The following ARHGAP39 variants were observed in gnomAD, a reference collection of about 807,000 sequenced individuals.
ARHGAP39 encodes the protein Rho GTPase activating protein 39.
A neutral mutation model predicts 106.9 loss-of-function variants in ARHGAP39; 44 were observed. The observed-to-expected ratio is 0.41, with a 90% confidence interval of 0.32 to 0.53. The LOEUF is 0.53. Ranked by LOEUF, ARHGAP39 falls within the 20% of genes least tolerant of loss-of-function variation. ARHGAP39 has a pLI of 0.21. For synonymous variants in ARHGAP39, 768 were observed against 693.2 expected (o/e 1.11, Z -1.69); for missense variants, 1,496 against 1,577.3 (o/e 0.95, Z 0.87).
intron 3 of ARHGAP39, among the ~76,000 whole-genome samples, chr8:144,572,609 A>C (rs1308961218): frequency 2.0e-5 from 3 of 152,336 alleles, no homozygotes; most frequent in South Asian, 4.1e-4. Flanking sequence ...ATGGCAACAA[A>C]AGCCAAAATA....
At chr8:144,593,716 GC>G (rs1304461659) in intron 2 of ARHGAP39, among the ~76,000 whole-genome samples, 1 of 152,126 alleles carries the variant, frequency 6.6e-6, no homozygotes, top group Non-Finnish European at 1.5e-5. Flanking sequence ...AGGGTAGGAG[GC>G]TGGGAGGTGG....
At chr8:144,656,565 G>A (rs1425615107) in intron 1 of ARHGAP39, among the ~76,000 whole-genome samples, 1 of 152,104 alleles carries the variant, frequency 6.6e-6, no homozygotes, top group Non-Finnish European at 1.5e-5. Flanking sequence ...CACTCTGGGA[G>A]GCTGTGGTGG....
intron 3 of ARHGAP39, among the ~76,000 whole-genome samples, chr8:144,561,854 T>A (rs559851971): frequency 3.4e-5 from 5 of 147,228 alleles, no homozygotes; most frequent in African/African-American, 5.1e-5. Context: ...GTGGTTTCCA[T>A]TGGACTCACC....
chr8:144,626,546 C>T (rs1283689411), intron 1 of ARHGAP39, among the ~76,000 whole-genome samples: 1 of 129,096 alleles, frequency 7.7e-6, no homozygotes, highest in African/African-American at 3.1e-5. Context: ...GCCCCTGTCC[C>T]GGCGGCCCCG....
chr8:144,570,082 G>T (rs562639066), intron 3 of ARHGAP39, among the ~76,000 whole-genome samples: 45 of 152,170 alleles, frequency 3.0e-4, no homozygotes, highest in African/African-American at 1.0e-3. Context: ...TTAACCAGGC[G>T]TGGTGGCTCA....
chr8:144,673,603 G>C (rs1296948245), intron 1 of ARHGAP39, among the ~76,000 whole-genome samples: 3 of 152,086 alleles, frequency 2.0e-5, no homozygotes, highest in Non-Finnish European at 2.9e-5. Flanking sequence ...ACTTCTTCTG[G>C]ACACTTCACA....
intron 2 of ARHGAP39, among the ~76,000 whole-genome samples, chr8:144,599,845 G>A (rs990824591): frequency 6.6e-6 from 1 of 152,218 alleles, no homozygotes; most frequent in African/African-American, 2.4e-5. Flanking sequence ...TATTTTTGTA[G>A]TGGAATGGGT....
chr8:144,652,152 T>C (rs1821589006), intron 1 of ARHGAP39, among the ~76,000 whole-genome samples: 1 of 151,966 alleles, frequency 6.6e-6, no homozygotes, highest in Admixed American at 6.6e-5. Context: ...GGAGAAAATA[T>C]TTGCAAGCTA....
chr8:144,558,446 C>G (rs1187453837), intron 3 of ARHGAP39, among the ~76,000 whole-genome samples: 1 of 152,090 alleles, frequency 6.6e-6, no homozygotes, highest in African/African-American at 2.4e-5. Flanking sequence ...GCACCTGCCA[C>G]CACGCCTGGC....
chr8:144,656,718 G>T (rs957264055), intron 1 of ARHGAP39, among the ~76,000 whole-genome samples: 1 of 139,278 alleles, frequency 7.2e-6, no homozygotes, highest in African/African-American at 2.7e-5. Context: ...TGAGATAGGA[G>T]AATCACTTGA....
At chr8:144,657,041 G>C (rs1031630379) in intron 1 of ARHGAP39, among the ~76,000 whole-genome samples, 1 of 151,780 alleles carries the variant, frequency 6.6e-6, no homozygotes, top group African/African-American at 2.4e-5. Context: ...GAAAACCCCA[G>C]GCCAAGGTGA....
Position 144,530,812 on chromosome 8 carries a change from A to G in ARHGAP39, c.3040T>C (p.Tyr1014His). The G allele has an allele frequency of 1.9e-6, 3 of 1,612,030 alleles. No homozygotes were observed. Among genetic ancestry groups the G allele is most frequent in the Non-Finnish European group, 2.5e-6 (3 of 1,179,754 alleles). The part of the protein sequence containing the change: ...LEEPLIPHEF[Y>H]EQCIAHYDSP... The stretch of plus-strand genomic sequence containing the variant: ...TCGTAGTGCGCGATGCACTGCTCGT[A>G]GAACTCGTGCGGGATCAGGGGCTCC... Residue 1014 changes from tyrosine (Y) to histidine (H), a missense_variant, in exon 11 of 12, where the codon TAC (tyrosine) becomes CAC (histidine). Transcript: ENST00000377307.
At position 144,537,831 on chromosome 8, in the gene ARHGAP39, C is replaced by T. The variant is rs1311891482; in HGVS notation, c.2522-18G>A. The stretch of plus-strand genomic sequence containing the variant: ...CTGTGTCACTGGGGAGCAAAGACAA[C>T]CATCAGCACGACAGAACAAAACGCC... On this transcript the variant is annotated intron_variant, in intron 6 of 11. Transcript: ENST00000377307. 6 of 1,611,298 alleles carry T rather than the reference C, an allele frequency of 3.7e-6. No individual in the cohort carries two copies. The highest frequency in any genetic ancestry group is 5.1e-6 in the Non-Finnish European group (6 of 1,177,708).
At chr8:144,550,638 C>T (rs146156835) in intron 4 of ARHGAP39, among the ~76,000 whole-genome samples, 1,592 of 152,354 alleles carry the variant, frequency 0.01, 32 homozygotes, top group African/African-American at 0.036. Context: ...CTCAGCACGG[C>T]CACACCACCC....
rs1443801403 is a variant in ARHGAP39 at position 144,644,682 on chromosome 8, T to C, written c.-81-38987A>G. Among the ~76,000 whole-genome samples the C allele has an allele frequency of 6.6e-6, 1 of 152,218 alleles. No individual in the cohort carries two copies. The highest frequency in any genetic ancestry group is 2.4e-5 in the African/African-American group (1 of 41,450). ...TCTCACTACAGGCCCTTGGGAGCAGTGCAGTCTGCAGGACTTCATCATCAA... is the reference window on the plus strand; with the variant it reads ...TCTCACTACAGGCCCTTGGGAGCAGCGCAGTCTGCAGGACTTCATCATCAA... On this transcript the variant is annotated intron_variant, in intron 1 of 11. Transcript: ENST00000377307. This position sits in a 1 kb window ranked among gnomAD's most constrained non-coding sequence, Gnocchi z 4.8.
intron 2 of ARHGAP39, among the ~76,000 whole-genome samples, chr8:144,601,808 TGTGTGTGGAGGC>T (rs1819975661): frequency 7.3e-6 from 1 of 137,596 alleles, no homozygotes; most frequent in African/African-American, 2.8e-5. Flanking sequence ...TACCTGTGTG[TGTGTGTGGAGGC>T]GTGTGTGCTC....
chr8:144,567,560 T>C (rs1818443956), intron 3 of ARHGAP39, among the ~76,000 whole-genome samples: 1 of 152,146 alleles, frequency 6.6e-6, no homozygotes, highest in African/African-American at 2.4e-5. Flanking sequence ...CTGACATCAG[T>C]CAGGCTCGCC....
rs887714780 is a variant in ARHGAP39, at chr8:144,533,648, A to G, written c.2689-323T>C. On this transcript the variant is annotated intron_variant, in intron 8 of 11. Coordinates refer to ENST00000377307, the MANE Select transcript of ARHGAP39 (RefSeq NM_025251.3). ...GTCACCGTCTACAGCACCAGCTCAC[A>G]GGGGCCCTTGGGAAGGTGGGAGTGA... Among the ~76,000 whole-genome samples, 10 of 152,072 alleles carry G rather than the reference A, an allele frequency of 6.6e-5. No homozygotes were observed. The South Asian group carries it at 1.9e-3, about 28-fold the overall frequency.
intron 3 of ARHGAP39, 52 bp downstream of exon 3, chr8:144,580,794 C>G: frequency 7.0e-7 from 1 of 1,426,200 alleles, no homozygotes; most frequent in Non-Finnish European, 9.2e-7. Flanking sequence ...TCACCTGGCC[C>G]CGCCCACTCC....
Sources: gnomAD v4.1 joint callset for allele counts (sites outside exome capture counted in the v4.1 genomes callset) on GRCh38, gnomAD v4.1.1 for gene constraint, Gnocchi (gnomAD v3.1) non-coding constraint, MANE v1.5 for transcripts, NCBI Gene and HGNC (gene_info 2026-07-23, HGNC 2026-07-21) for gene names.